The following COL19A1 variants were observed in gnomAD, a reference collection of about 807,000 sequenced individuals.
The protein encoded by COL19A1 is collagen type XIX alpha 1 chain.
In COL19A1, 159 loss-of-function variants were observed where a neutral mutation model predicts 190.2. The ratio of observed to expected loss-of-function variants is 0.84; its 90% CI spans 0.73 to 0.95. COL19A1 has a LOEUF of 0.95. Among genes scored for constraint, COL19A1 ranks in the 40% least tolerant of loss-of-function variants. The pLI is 0.00. For synonymous variants in COL19A1, 509 were observed against 458.9 expected (o/e 1.11, Z -1.39); for missense variants, 1,418 against 1,431.9 (o/e 0.99, Z 0.16).
chr6:69,928,182 C>G, intron 5 of COL19A1, 150 bp downstream of exon 5: 2 of 1,009,972 alleles, frequency 2.0e-6, no homozygotes, highest in East Asian at 2.7e-5. Context: ...TGCAAGTATT[C>G]TCGTAGTTAG....
chr6:70,182,895 A>G (rs373345934), intron 44 of COL19A1, among the ~76,000 whole-genome samples: 42 of 152,272 alleles, frequency 2.8e-4, no homozygotes, highest in African/African-American at 8.9e-4. Context: ...AACTAGGAAC[A>G]GGGGCAGTTC....
chr6:70,045,722 C>T (rs1174448399), intron 14 of COL19A1, among the ~76,000 whole-genome samples: 1 of 152,180 alleles, frequency 6.6e-6, no homozygotes, highest in Non-Finnish European at 1.5e-5. Flanking sequence ...TTACTTATTT[C>T]AGGATTTGAC....
intron 11 of COL19A1, among the ~76,000 whole-genome samples, chr6:69,979,271 T>C (rs960533609): frequency 6.6e-6 from 1 of 151,928 alleles, no homozygotes; most frequent in African/African-American, 2.4e-5. Context: ...TAGATACAAG[T>C]ATTTTTAAAT....
At chr6:70,131,074 AG>A (rs1196270167) in intron 18 of COL19A1, 1 of 462,544 alleles carries the variant, frequency 2.2e-6, no homozygotes. Context: ...ATAGCTGTAA[AG>A]ATGACAGATT....
At chr6:70,142,160 C>T in intron 22 of COL19A1, 84 bp downstream of exon 22, 1 of 1,227,414 alleles carries the variant, frequency 8.1e-7, no homozygotes, top group Non-Finnish European at 1.2e-6. Flanking sequence ...TTTGGTATGC[C>T]ACTCATTTTC....
At chr6:70,121,647 T>G (rs554538618) in intron 16 of COL19A1, among the ~76,000 whole-genome samples, 32 of 152,280 alleles carry the variant, frequency 2.1e-4, no homozygotes, top group Admixed American at 8.5e-4. Context: ...AAATGTTACA[T>G]GCTCCCACTT....
At position 70,199,660 on chromosome 6, in the gene COL19A1, T is replaced by A; in HGVS notation, c.3147T>A (p.Ala1049=). The change falls in exon 49 of 51, where the codon GCT becomes GCA. Residue 1049 remains alanine (A), a synonymous_variant. Transcript: ENST00000620364. ...SQLKLPAAML[A]AQAYGRPGPP... is the part of the protein sequence containing the mutation. Reference sequence around the variant, plus strand: ...TCAAGCTGCCAGCAGCAATGTTGGCTGCCCAAGCTTATGGGAGACCTGGGC... The same window carrying A: ...TCAAGCTGCCAGCAGCAATGTTGGCAGCCCAAGCTTATGGGAGACCTGGGC... 4.4e-6 allele frequency: 7 copies of A among 1,608,672 alleles called. No homozygotes were observed. The highest frequency in any genetic ancestry group is 5.9e-6 in the Non-Finnish European group (7 of 1,176,696).
At position 69,929,605 on chromosome 6, in the gene COL19A1, T is replaced by G. The variant is rs774739335; in HGVS notation, c.571T>G (p.Leu191Val). The G allele has an allele frequency of 1.9e-6, 3 of 1,614,016 alleles. No individual in the cohort carries two copies. Among genetic ancestry groups the G allele is most frequent in the East Asian group, 2.2e-5 (1 of 44,866 alleles). Residue 191 changes from leucine to valine, a missense_variant, in exon 6 of 51, where the codon TTA becomes GTA. Physicochemically the swap from Leu to Val is conservative, Grantham distance 32. Transcript: ENST00000620364. ...QVISLYMDCN[L>V]IARRQTDEKD... ...CATTTCACTTTATATGGATTGTAAT[T>G]TAATTGCGAGGAGGCAGACTGATGA...
intron 2 of COL19A1, chr6:69,891,204 A>G (rs116719365): frequency 2.1e-4 from 17 of 81,586 alleles, no homozygotes; most frequent in Non-Finnish European, 2.7e-4. Flanking sequence ...CCCAGCTAGC[A>G]AAAAAAAAAA....
At chr6:69,882,359 A>G (rs944163635) in intron 2 of COL19A1, among the ~76,000 whole-genome samples, 2 of 152,228 alleles carry the variant, frequency 1.3e-5, no homozygotes, top group Non-Finnish European at 2.9e-5. Context: ...ACTGCAAATG[A>G]ACTTCCATTT....
intron 17 of COL19A1, among the ~76,000 whole-genome samples, chr6:70,122,796 A>T (rs925893372): frequency 2.6e-5 from 4 of 152,190 alleles, no homozygotes; most frequent in African/African-American, 9.7e-5. Flanking sequence ...TGTCAAAAAA[A>T]TTTGTTAAAT....
intron 2 of COL19A1, among the ~76,000 whole-genome samples, chr6:69,885,052 T>TG (rs1768822867): frequency 6.6e-6 from 1 of 152,052 alleles, no homozygotes; most frequent in African/African-American, 2.4e-5. Context: ...TCAGTAGAGA[T>TG]GGGGTTTCAC....
chr6:69,916,978 C>A (rs897402974), intron 4 of COL19A1, among the ~76,000 whole-genome samples: 7 of 152,190 alleles, frequency 4.6e-5, no homozygotes, highest in Non-Finnish European at 8.8e-5. Context: ...GCTTTAATTT[C>A]TCATTTATGA....
chr6:70,021,097 C>G (rs1778391418), intron 11 of COL19A1, among the ~76,000 whole-genome samples: 1 of 152,000 alleles, frequency 6.6e-6, no homozygotes, highest in African/African-American at 2.4e-5. Flanking sequence ...AAAATGACAA[C>G]AATAAATCAA....
At chr6:70,202,908 T>G (rs930191979) in intron 49 of COL19A1, among the ~76,000 whole-genome samples, 3 of 152,186 alleles carry the variant, frequency 2.0e-5, no homozygotes, top group African/African-American at 7.2e-5. Context: ...ATTTTAGCCG[T>G]CCCATGGGGT....
chr6:70,177,091 C>A (rs894816107), intron 42 of COL19A1, among the ~76,000 whole-genome samples: 1 of 152,128 alleles, frequency 6.6e-6, no homozygotes, highest in Admixed American at 6.5e-5. Flanking sequence ...ATGTTTTAAT[C>A]TCATCAAGGC....
chr6:69,960,198 A>T (rs1223512502), intron 10 of COL19A1, among the ~76,000 whole-genome samples, 158 bp downstream of exon 10: 1 of 152,216 alleles, frequency 6.6e-6, no homozygotes, highest in Non-Finnish European at 1.5e-5. Context: ...TGTGGAAGCA[A>T]TCCCCTCTTG....
intron 11 of COL19A1, among the ~76,000 whole-genome samples, chr6:69,969,610 T>C (rs1775308530): frequency 6.6e-6 from 1 of 152,186 alleles, no homozygotes; most frequent in Admixed American, 6.5e-5. Context: ...CTAACAACTA[T>C]TTACATAGCA....
intron 11 of COL19A1, among the ~76,000 whole-genome samples, chr6:70,016,745 A>T (rs890237651): frequency 3.9e-5 from 6 of 152,056 alleles, no homozygotes; most frequent in Admixed American, 3.3e-4. Context: ...TTCAAAGAAG[A>T]TATGTGAATG....
Sources: gnomAD v4.1 joint callset for allele counts (sites outside exome capture counted in the v4.1 genomes callset) on GRCh38, gnomAD v4.1.1 for gene constraint, MANE v1.5 for transcripts, NCBI Gene and HGNC (gene_info 2026-07-23, HGNC 2026-07-21) for gene names.